The following PRKCA variants were observed in gnomAD, a reference collection of about 807,000 sequenced individuals.
PRKCA encodes protein kinase C alpha.
Under a neutral mutation model 87.0 loss-of-function variants are expected in PRKCA, and 27 were observed. The ratio of observed to expected loss-of-function variants is 0.31; its 90% CI spans 0.23 to 0.43. PRKCA has a LOEUF of 0.43. PRKCA is among the 20% of genes least tolerant of loss of function. The pLI, the probability that PRKCA is intolerant of heterozygous loss-of-function variation, is 1.00. For synonymous variants in PRKCA, 329 were observed against 311.1 expected (o/e 1.06, Z -0.61); for missense variants, 518 against 852.3 (o/e 0.61, Z 4.88).
intron 2 of PRKCA, among the ~76,000 whole-genome samples, chr17:66,405,372 A>G (rs1911306016): frequency 6.6e-6 from 1 of 152,208 alleles, no homozygotes; most frequent in Admixed American, 6.5e-5. Context: ...ACTGGAACTG[A>G]CAACCAGCAT....
chr17:66,704,284 G>A (rs1409204743), intron 8 of PRKCA, among the ~76,000 whole-genome samples: 1 of 151,994 alleles, frequency 6.6e-6, no homozygotes, highest in African/African-American at 2.4e-5. Flanking sequence ...CCATAAATTA[G>A]TGCTGTTATT....
chr17:66,500,889 A>G (rs1916697561), intron 3 of PRKCA, among the ~76,000 whole-genome samples: 1 of 152,230 alleles, frequency 6.6e-6, no homozygotes, highest in Admixed American at 6.5e-5. Context: ...AATGGGAAGT[A>G]TCAGAATTTA....
At chr17:66,329,266 C>T (rs113428334) in intron 2 of PRKCA, among the ~76,000 whole-genome samples, 44 of 152,232 alleles carry the variant, frequency 2.9e-4, no homozygotes, top group African/African-American at 9.9e-4. Context: ...TTCACTATTA[C>T]GTAGCATGCT....
chr17:66,410,499 A>G (rs974692893), intron 2 of PRKCA, among the ~76,000 whole-genome samples: 7 of 152,176 alleles, frequency 4.6e-5, no homozygotes, highest in Non-Finnish European at 8.8e-5. Context: ...CTTAAAAAAT[A>G]TTGTTATTTT....
At chr17:66,350,374 C>A (rs1907668832) in intron 2 of PRKCA, among the ~76,000 whole-genome samples, 2 of 151,992 alleles carry the variant, frequency 1.3e-5, no homozygotes, top group South Asian at 4.2e-4. Flanking sequence ...GTCCGTGGAC[C>A]CACAGGAGAC....
chr17:66,493,413 C>G (rs1004055647), intron 2 of PRKCA, among the ~76,000 whole-genome samples: 1 of 151,796 alleles, frequency 6.6e-6, no homozygotes. Context: ...TCTGGAAATC[C>G]TGCCAGTGCA....
At chr17:66,496,312 G>A in intron 3 of PRKCA, 29 bp downstream of exon 3, 1 of 1,569,410 alleles carries the variant, frequency 6.4e-7, no homozygotes, top group African/African-American at 1.4e-5. Context: ...ATGATTTGAT[G>A]TCAATGTGGA....
chr17:66,555,138 A>G (rs905066722), intron 3 of PRKCA, among the ~76,000 whole-genome samples: 1 of 152,224 alleles, frequency 6.6e-6, no homozygotes, highest in Non-Finnish European at 1.5e-5. Context: ...TCGGCCTCCC[A>G]AAGTGGTGGG....
In PRKCA at chr17:66,480,014, C is replaced by A. The variant is rs1223824676; in HGVS notation, c.206-16187C>A. Among the ~76,000 whole-genome samples, 10 of 133,364 alleles carry A rather than the reference C, an allele frequency of 7.5e-5. No homozygotes were observed. The East Asian group carries it at 2.0e-3, about 27-fold the overall frequency. The allele number at this position is 133,364 out of a possible 152,430, so 87.5% of individuals were successfully genotyped here. A position where few individuals can be genotyped will look rare whatever the true frequency, so the allele number is the denominator to read the frequency against. ...CCCTGAACTTAAAAAAAAAAAAAAA[C>A]ATTTTGGTTTTAGAATTCTGAATAA... On this transcript the variant is annotated intron_variant, in intron 2 of 16. Transcript: ENST00000413366.
intron 2 of PRKCA, among the ~76,000 whole-genome samples, chr17:66,327,827 GC>G (rs1906079081): frequency 6.6e-6 from 1 of 152,020 alleles, no homozygotes; most frequent in African/African-American, 2.4e-5. Context: ...TTTTCCCTAA[GC>G]ATTCATCGTC....
intron 16 of PRKCA, among the ~76,000 whole-genome samples, chr17:66,799,798 T>C (rs1189327527): frequency 6.6e-6 from 1 of 152,002 alleles, no homozygotes; most frequent in East Asian, 1.9e-4. Flanking sequence ...GGGCTACTTT[T>C]GCTAAGAGCT....
In PRKCA at chr17:66,804,147, T is replaced by G. The variant is rs892851930; in HGVS notation, c.*110T>G. 4.9e-6 allele frequency: 7 copies of G among 1,426,060 alleles called. No individual in the cohort carries two copies. The highest frequency in any genetic ancestry group is 5.6e-6 in the Non-Finnish European group (6 of 1,071,062). The allele number at this position is 1,426,060 out of a possible 1,614,324, so 88.3% of individuals were successfully genotyped here. ...CCACGGCCTTGTGTCTGATTCCATA[T>G]GGAGGCCTGAAAATTGTAGGGTTAT... On this transcript the variant is annotated 3_prime_UTR_variant, in exon 17 of 17. Coordinates refer to ENST00000413366, the MANE Select transcript of PRKCA (RefSeq NM_002737.3).
chr17:66,383,899 G>A lies in PRKCA; in HGVS notation c.205+77772G>A, dbSNP rs185177563. ...TGGGAGGCAGAGGTTGTAGTGAGCC[G>A]AGATGGTGCCACTTCATTCCAGCCT... On this transcript the variant is annotated intron_variant, in intron 2 of 16. Transcript: ENST00000413366. 2.3e-4 allele frequency among the ~76,000 whole-genome samples: 35 copies of A among 151,926 alleles called. 1 individual carries two copies. Among genetic ancestry groups the A allele is most frequent in the Admixed American group, 2.0e-3 (31 of 15,256 alleles).
chr17:66,526,143 A>G (rs1326708850), intron 3 of PRKCA, among the ~76,000 whole-genome samples: 2 of 152,250 alleles, frequency 1.3e-5, no homozygotes, highest in African/African-American at 4.8e-5. Context: ...AACTATGAGG[A>G]AATCTTGAGA....
chr17:66,665,081 A>AGT (rs1972009393), intron 5 of PRKCA, among the ~76,000 whole-genome samples: 1 of 152,174 alleles, frequency 6.6e-6, no homozygotes, highest in Non-Finnish European at 1.5e-5. Context: ...GCATGTTCTC[A>AGT]GTGTGTGTCC....
chr17:66,804,067 A>G lies in PRKCA; in HGVS notation c.*30A>G, dbSNP rs749907122. Reference sequence around the variant, plus strand: ...CACCAGCGAGAACAAACACCTCCCCAGCCCCCAGCCCTCCCCGCAGTGGGA... The same window carrying G: ...CACCAGCGAGAACAAACACCTCCCCGGCCCCCAGCCCTCCCCGCAGTGGGA... On this transcript the variant is annotated 3_prime_UTR_variant, in exon 17 of 17. Transcript: ENST00000413366. 24 of 1,585,614 alleles carry G rather than the reference A, an allele frequency of 1.5e-5. No individual in the cohort carries two copies. The Admixed American group carries it at 2.7e-4, about 18-fold the overall frequency.
chr17:66,744,070 G>A (rs937501922), intron 13 of PRKCA, among the ~76,000 whole-genome samples: 1 of 152,124 alleles, frequency 6.6e-6, no homozygotes, highest in Non-Finnish European at 1.5e-5. Flanking sequence ...CAAAAGGGAA[G>A]CTGCTTTTTA....
intron 13 of PRKCA, among the ~76,000 whole-genome samples, chr17:66,770,507 A>G (rs1204065294): frequency 6.6e-6 from 1 of 152,268 alleles, no homozygotes; most frequent in Admixed American, 6.5e-5. Flanking sequence ...CAATGGCACC[A>G]GCCTAGATCA....
At chr17:66,705,109 C>G (rs1213296788) in intron 8 of PRKCA, among the ~76,000 whole-genome samples, 1 of 152,174 alleles carries the variant, frequency 6.6e-6, no homozygotes, top group East Asian at 1.9e-4. Flanking sequence ...CCAATATGCT[C>G]TCTGCTTTTT....
Sources: allele counts gnomAD v4.1 joint callset (sites outside exome capture counted in the v4.1 genomes callset), GRCh38; gene constraint gnomAD v4.1.1; transcripts MANE v1.5; gene names NCBI Gene and HGNC (gene_info 2026-07-23, HGNC 2026-07-21).